Variants in ECE1 observed in about 807,000 individuals in gnomAD.
The protein encoded by ECE1 is endothelin-converting enzyme 1.
ECE1 carries 35 observed loss-of-function variants against 98.6 expected under a neutral mutation model. The observed-to-expected ratio is 0.35, with a 90% CI of 0.27 to 0.47. The LOEUF is 0.47. ECE1 is among the 20% of genes least tolerant of loss of function. The pLI is 1.00. For synonymous variants in ECE1, 394 were observed against 407.1 expected (o/e 0.97, Z 0.39); for missense variants, 814 against 1,025.3 (o/e 0.79, Z 2.81).
intron 11 of ECE1, among the ~76,000 whole-genome samples, chr1:21,237,732 C>A (rs1223570297): frequency 6.6e-6 from 1 of 152,188 alleles, no homozygotes; most frequent in Non-Finnish European, 1.5e-5. Flanking sequence ...GCCGGGCTGT[C>A]TCCAAGGCGC....
intron 3 of ECE1, among the ~76,000 whole-genome samples, chr1:21,273,352 T>C (rs897251305): frequency 1.9e-4 from 20 of 104,108 alleles, no homozygotes; most frequent in African/African-American, 7.9e-4. Context: ...TGTGCGTGTG[T>C]GTGTGTGTGT....
chr1:21,263,357 A>T (rs1457860062), intron 4 of ECE1, among the ~76,000 whole-genome samples: 6 of 113,202 alleles, frequency 5.3e-5, no homozygotes, highest in Non-Finnish European at 7.4e-5. Context: ...CTTTTTTTAT[A>T]TTTATTTTTT....
chr1:21,251,653 G>A (rs1197259903), intron 8 of ECE1, among the ~76,000 whole-genome samples: 1 of 152,232 alleles, frequency 6.6e-6, no homozygotes, highest in Admixed American at 6.5e-5. Context: ...GGGCTCCAGT[G>A]CATCCCTGCC....
intron 9 of ECE1, among the ~76,000 whole-genome samples, chr1:21,246,305 G>C (rs2098203424): frequency 6.6e-6 from 1 of 151,722 alleles, no homozygotes; most frequent in Admixed American, 6.6e-5. Context: ...TTGGGGACCA[G>C]CCTGGCAAAC....
chr1:21,245,953 A>C (rs1195263142), intron 9 of ECE1, among the ~76,000 whole-genome samples: 1 of 151,920 alleles, frequency 6.6e-6, no homozygotes, highest in Non-Finnish European at 1.5e-5. Flanking sequence ...ATACCACAAG[A>C]TCAACAGGAG....
chr1:21,312,853 C>G (rs1191225102), intron 1 of ECE1, among the ~76,000 whole-genome samples: 1 of 152,010 alleles, frequency 6.6e-6, no homozygotes, highest in Non-Finnish European at 1.5e-5. Context: ...TAATAATAGC[C>G]CCACTCTCAT....
chr1:21,286,849 A>G (rs2098261071), intron 2 of ECE1, among the ~76,000 whole-genome samples: 2 of 151,842 alleles, frequency 1.3e-5, no homozygotes, highest in Admixed American at 6.6e-5. Flanking sequence ...TCACAGGTCA[A>G]GGCTGCTAGT....
chr1:21,271,965 G>A lies in ECE1; in HGVS notation c.493+734C>T, dbSNP rs182463176. ...CTTAGAATCTGATCTAGTGTGTTCA[G>A]TCTCGATCCCTTTTGCTCATAACTT... On this transcript the variant is annotated intron_variant, in intron 4 of 18. Transcript: ENST00000374893. 5.0e-3 allele frequency among the ~76,000 whole-genome samples: 758 copies of A among 151,864 alleles called. 2 individuals are homozygous for A. Among genetic ancestry groups the A allele is most frequent in the Non-Finnish European group, 8.3e-3 (567 of 67,988 alleles).
intron 1 of ECE1, among the ~76,000 whole-genome samples, chr1:21,344,085 C>T (rs1569801847): frequency 6.6e-6 from 1 of 152,242 alleles, no homozygotes; most frequent in East Asian, 1.9e-4. Flanking sequence ...AGCCATAATT[C>T]CACCACTTCT....
intron 1 of ECE1, among the ~76,000 whole-genome samples, chr1:21,302,975 G>A (rs369300955): frequency 2.6e-5 from 4 of 152,150 alleles, no homozygotes; most frequent in Admixed American, 6.5e-5. Flanking sequence ...GCCACCCCCC[G>A]GGCCTGGGCT....
At chr1:21,333,941 C>A (rs1245540048) in intron 1 of ECE1, among the ~76,000 whole-genome samples, 1 of 152,202 alleles carries the variant, frequency 6.6e-6, no homozygotes, top group Non-Finnish European at 1.5e-5. Context: ...AAATTATCAA[C>A]CACTTTTCAC....
chr1:21,304,900 A>G (rs574213650), intron 1 of ECE1, among the ~76,000 whole-genome samples: 2 of 152,330 alleles, frequency 1.3e-5, no homozygotes, highest in South Asian at 4.1e-4. Context: ...AGTGCTGAAC[A>G]TACTGACGAC....
At position 21,225,297 on chromosome 1, in the gene ECE1, G is replaced by T; in HGVS notation, c.1993C>A (p.Leu665Met). The change falls in exon 17 of 19, where the codon CTG becomes ATG. Residue 665 changes from leucine to methionine, a missense_variant. Coordinates refer to ENST00000374893, the MANE Select transcript of ECE1 (RefSeq NM_001397.3). The surrounding 1 kb of genome is among the most constrained non-coding windows in gnomAD (Gnocchi z 5.3). ...NGEPVNGRHT[L>M]GENIADNGGL... is the part of the protein sequence containing the mutation. Reference sequence around the variant, plus strand: ...CCGTTGTCGGCGATGTTCTCCCCCAGGGTGTGCCGCCCGTTCACCGGCTCC... The same window carrying T: ...CCGTTGTCGGCGATGTTCTCCCCCATGGTGTGCCGCCCGTTCACCGGCTCC... The T allele has an allele frequency of 1.2e-6, 2 of 1,614,218 alleles. No individual in the cohort carries two copies. The highest frequency in any genetic ancestry group is 2.7e-5 in the African/African-American group (2 of 75,068).
intron 1 of ECE1, among the ~76,000 whole-genome samples, chr1:21,300,865 C>G (rs746501446): frequency 2.0e-5 from 3 of 152,188 alleles, no homozygotes; most frequent in Non-Finnish European, 4.4e-5. Flanking sequence ...CATCCAGCTA[C>G]TGAGCCTGTT....
In ECE1 at chr1:21,258,609, T is replaced by G; in HGVS notation, c.762+84A>C. On this transcript the variant is annotated intron_variant, in intron 6 of 18. Coordinates refer to ENST00000374893, the MANE Select transcript of ECE1 (RefSeq NM_001397.3). This position sits in a 1 kb window ranked among gnomAD's most constrained non-coding sequence, Gnocchi z 4.2. ...CGCCGTCCCACCCAGGGCAAGCCCC[T>G]CTCCCACCCCAGGTCCTGCTAAACT... 2.2e-5 allele frequency: 14 copies of G among 627,124 alleles called. No homozygotes were observed. Among genetic ancestry groups the G allele is most frequent in the Non-Finnish European group, 3.5e-5 (12 of 347,636 alleles). The allele number at this position is 627,124 out of a possible 1,614,324, so 38.8% of individuals were successfully genotyped here. A position where few individuals can be genotyped will look rare whatever the true frequency, so the allele number is the denominator to read the frequency against.
At chr1:21,294,707 G>T (rs1638304173), upstream of ECE1, among the ~76,000 whole-genome samples, 2 of 152,188 alleles carry the variant, frequency 1.3e-5, no homozygotes, top group South Asian at 4.1e-4. This position sits in a 1 kb window ranked among gnomAD's most constrained non-coding sequence, Gnocchi z 4.2. Flanking sequence ...TTGCCCAGAC[G>T]ACATTAGTCA....
At chr1:21,253,437 G>T (rs2098215342) in intron 8 of ECE1, among the ~76,000 whole-genome samples, 1 of 151,810 alleles carries the variant, frequency 6.6e-6, no homozygotes. Flanking sequence ...CATGGTTTTT[G>T]ATCTGTTCTC....
chr1:21,257,629 C>T (rs758906727), intron 6 of ECE1, 39 bp from the exon 7 acceptor site: 1 of 1,608,478 alleles, frequency 6.2e-7, no homozygotes, highest in South Asian at 1.1e-5. Flanking sequence ...ATTCGTGTTG[C>T]AATGCGTGTA....
intron 8 of ECE1, among the ~76,000 whole-genome samples, chr1:21,251,050 C>T (rs2098212170): frequency 6.6e-6 from 1 of 151,772 alleles, no homozygotes; most frequent in South Asian, 2.1e-4. Context: ...GGTAAGGTGA[C>T]TTTCCTGAGG....
Sources: gnomAD v4.1 joint callset for allele counts (sites outside exome capture counted in the v4.1 genomes callset) on GRCh38, gnomAD v4.1.1 for gene constraint, Gnocchi (gnomAD v3.1) non-coding constraint, MANE v1.5 for transcripts, NCBI Gene and HGNC (gene_info 2026-07-23, HGNC 2026-07-21) for gene names.